SVOP: variants seen among roughly 807,000 people sequenced by gnomAD.
SVOP encodes SV2 related protein.
In SVOP, 17 loss-of-function variants were observed where a neutral mutation model predicts 69.1. That is an observed-to-expected ratio of 0.25 (90% CI 0.17 to 0.37). The LOEUF (loss-of-function observed/expected upper bound fraction) is 0.37. Ranked by LOEUF, SVOP falls within the 10% of genes least tolerant of loss-of-function variation. SVOP has a pLI of 1.00. For missense variants in SVOP, 435 were observed against 597.5 expected (o/e 0.73, Z 2.84); for synonymous variants, 238 against 238.6 (o/e 1.00, Z 0.02).
At chr12:108,958,812 T>C (rs1327422740) in intron 6 of SVOP, among the ~76,000 whole-genome samples, 1 of 152,068 alleles carries the variant, frequency 6.6e-6, no homozygotes. Context: ...GCCTGGTTGG[T>C]GTGAGGGTAA....
In SVOP at chr12:108,934,655, G is replaced by C. The variant is rs557928712; in HGVS notation, c.972-384C>G. On this transcript the variant is annotated intron_variant, in intron 10 of 15. Coordinates refer to ENST00000610966, the MANE Select transcript of SVOP (RefSeq NM_018711.5). Reference sequence around the variant, plus strand: ...AGATACAGATCATAAAGACCTTGCTGATAAAGCAGGTTGCAGTAAAGAAGC... The same window carrying C: ...AGATACAGATCATAAAGACCTTGCTCATAAAGCAGGTTGCAGTAAAGAAGC... Among the ~76,000 whole-genome samples, 23 of 152,296 alleles carry C rather than the reference G, an allele frequency of 1.5e-4. No individual in the cohort carries two copies. The South Asian group carries it at 4.8e-3, about 32-fold the overall frequency.
Position 108,992,696 on chromosome 12 carries a change from T to C in SVOP, c.36-8935A>G, listed in dbSNP as rs574962841. Among the ~76,000 whole-genome samples, 4 of 152,230 alleles carry C rather than the reference T, an allele frequency of 2.6e-5. No homozygotes were observed. In the South Asian group the frequency reaches 6.2e-4, roughly 24 times the overall value. ...GCTTAAATGAAGTGTCCAGAATTCA[T>C]GGAGACAGAAAGCAGATTAGTGGCT... On this transcript the variant is annotated intron_variant, in intron 1 of 15. Coordinates refer to ENST00000610966, the MANE Select transcript of SVOP (RefSeq NM_018711.5).
intron 15 of SVOP, among the ~76,000 whole-genome samples, chr12:108,915,490 T>C (rs2039707950): frequency 1.3e-5 from 2 of 152,220 alleles, no homozygotes; most frequent in South Asian, 4.1e-4. Flanking sequence ...TTCATCCACA[T>C]TGTTTTTAAG....
chr12:108,973,038 A>G (rs148165134), intron 4 of SVOP, among the ~76,000 whole-genome samples: 101,887 of 151,974 alleles, frequency 0.67, 34,657 homozygotes, highest in East Asian at 0.79. Context: ...GCTCAGATAG[A>G]TTAGAAACCT....
At chr12:108,916,133 T>G (rs1265955651) in intron 14 of SVOP, among the ~76,000 whole-genome samples, 2 of 151,996 alleles carry the variant, frequency 1.3e-5, no homozygotes, top group African/African-American at 4.8e-5. Flanking sequence ...CCCCAAAGAC[T>G]CCTCCACCAG....
intron 2 of SVOP, among the ~76,000 whole-genome samples, chr12:108,979,918 T>A (rs1477927580): frequency 6.6e-6 from 1 of 152,236 alleles, no homozygotes; most frequent in Non-Finnish European, 1.5e-5. Context: ...ATGCCTGTAA[T>A]CCCAGCACTT....
intron 5 of SVOP, among the ~76,000 whole-genome samples, chr12:108,964,072 G>A (rs576239635): frequency 6.6e-6 from 1 of 152,160 alleles, no homozygotes; most frequent in East Asian, 1.9e-4. Flanking sequence ...AAGTTATTCA[G>A]GTCCGGGCAA....
chr12:108,983,113 A>G lies in SVOP; in HGVS notation c.196+488T>C, dbSNP rs1015787088. Among the ~76,000 whole-genome samples the G allele has an allele frequency of 3.9e-5, 5 of 129,140 alleles. No individual in the cohort carries two copies. In the South Asian group the frequency reaches 1.2e-3, roughly 32 times the overall value. 84.7% of individuals were successfully genotyped at this position (129,140 alleles called of 152,430 possible). ...CCATCATCATGATCACCATCATCAT[A>G]ATCACCATAATCATCACTATCACCA... On this transcript the variant is annotated intron_variant, in intron 2 of 15. Coordinates refer to ENST00000610966, the MANE Select transcript of SVOP (RefSeq NM_018711.5).
At chr12:108,963,035 A>G (rs747636248) in intron 5 of SVOP, among the ~76,000 whole-genome samples, 50 of 152,160 alleles carry the variant, frequency 3.3e-4, no homozygotes, top group Non-Finnish European at 6.9e-4. Flanking sequence ...ACCCTTAGAG[A>G]TTGGAAAAAA....
At chr12:108,985,657 C>A (rs2040162270) in intron 1 of SVOP, among the ~76,000 whole-genome samples, 1 of 151,850 alleles carries the variant, frequency 6.6e-6, no homozygotes, top group East Asian at 1.9e-4. Flanking sequence ...GGTGACAGAG[C>A]AAGATCCTAG....
At chr12:109,009,320 C>T (rs1475897597) in intron 1 of SVOP, among the ~76,000 whole-genome samples, 1 of 152,084 alleles carries the variant, frequency 6.6e-6, no homozygotes, top group African/African-American at 2.4e-5. Flanking sequence ...AGGGGACCCT[C>T]TCTGTGTCAG....
intron 13 of SVOP, among the ~76,000 whole-genome samples, chr12:108,918,867 T>A (rs1349614766): frequency 1.3e-5 from 2 of 152,098 alleles, no homozygotes; most frequent in East Asian, 3.8e-4. Flanking sequence ...GGGGCCAAAG[T>A]TCTCCCCTGA....
intron 1 of SVOP, among the ~76,000 whole-genome samples, chr12:108,996,944 T>C (rs1843667430): frequency 6.6e-6 from 1 of 151,754 alleles, no homozygotes; most frequent in Admixed American, 6.6e-5. Flanking sequence ...GATAAATAAA[T>C]AGAGGAGGAG....
intron 1 of SVOP, among the ~76,000 whole-genome samples, chr12:108,996,875 T>G (rs1361210564): frequency 6.6e-6 from 1 of 151,326 alleles, no homozygotes; most frequent in Non-Finnish European, 1.5e-5. Context: ...GAGGTTGCAG[T>G]GGGCTGTGAT....
At chr12:108,985,349 G>T (rs2040161075) in intron 1 of SVOP, among the ~76,000 whole-genome samples, 1 of 151,342 alleles carries the variant, frequency 6.6e-6, no homozygotes, top group East Asian at 1.9e-4. Context: ...AGGAAGGAAA[G>T]AAAAAATAAA....
intron 12 of SVOP, among the ~76,000 whole-genome samples, chr12:108,920,811 G>A (rs1220459944): frequency 1.3e-5 from 2 of 152,022 alleles, no homozygotes; most frequent in Non-Finnish European, 2.9e-5. Flanking sequence ...TGGCCAGGCT[G>A]CTCTCGAACT....
chr12:108,977,871 G>A (rs1171153593), intron 3 of SVOP, among the ~76,000 whole-genome samples: 1 of 152,140 alleles, frequency 6.6e-6, no homozygotes, highest in African/African-American at 2.4e-5. Flanking sequence ...TTGGCTTATA[G>A]GTCATTTGTT....
intron 11 of SVOP, among the ~76,000 whole-genome samples, chr12:108,924,712 A>C (rs1053707196): frequency 9.2e-5 from 14 of 152,208 alleles, no homozygotes; most frequent in Admixed American, 9.2e-4. Context: ...ACAGGAAGGT[A>C]AAAATACCTT....
Position 108,908,076 on chromosome 12 carries a change from T to G in SVOP, c.*4459A>C, listed in dbSNP as rs1200206161. 2.0e-5 allele frequency: 3 copies of G among 152,050 alleles called. No homozygotes were observed. Among genetic ancestry groups the G allele is most frequent in the East Asian group, 1.9e-4 (1 of 5,176 alleles). 9.4% of individuals were successfully genotyped at this position (152,050 alleles called of 1,614,324 possible). Reference sequence around the variant, plus strand: ...AGCTTCATTCCTGAAGATCTGGGAGTGGGGCACTGAGCAGCTGAGTCAGGT... The same window carrying G: ...AGCTTCATTCCTGAAGATCTGGGAGGGGGGCACTGAGCAGCTGAGTCAGGT... On this transcript the variant is annotated 3_prime_UTR_variant, in exon 16 of 16. Transcript: ENST00000610966.
Sources: gnomAD v4.1 joint callset for allele counts (sites outside exome capture counted in the v4.1 genomes callset) on GRCh38, gnomAD v4.1.1 for gene constraint, MANE v1.5 for transcripts, NCBI Gene and HGNC (gene_info 2026-07-23, HGNC 2026-07-21) for gene names.